The following DCAF17 variants were observed in gnomAD, a reference collection of about 807,000 sequenced individuals.
DCAF17 encodes the protein DDB1 and CUL4 associated factor 17.
DCAF17 carries 48 observed loss-of-function variants against 66.0 expected under a neutral mutation model. That is an observed-to-expected ratio of 0.73 (90% CI 0.58 to 0.92). The LOEUF (loss-of-function observed/expected upper bound fraction) is 0.92, where lower values mean the gene tolerates loss of function less well. Among genes scored for constraint, DCAF17 ranks in the 40% least tolerant of loss-of-function variants. The probability of loss-of-function intolerance (pLI) is 0.00; values close to 1 mark genes in which losing one functional copy is unlikely to be tolerated. For synonymous variants in DCAF17, 206 were observed against 214.6 expected, an observed-to-expected ratio of 0.96 and a Z score of 0.35; for missense variants, 562 against 622.8, an observed-to-expected ratio of 0.90 and a Z score of 1.04.
chr2:171,463,576 TCTC>T (rs1695725962), intron 8 of DCAF17, among the ~76,000 whole-genome samples: 1 of 152,328 alleles, frequency 6.6e-6, no homozygotes, highest in Admixed American at 6.5e-5. Context: ...TGTGTGTGCA[TCTC>T]CTTGAGATGT....
rs936359696 is a variant in DCAF17 at position 171,484,681 on chromosome 2, C to G, written c.*3567C>G. On this transcript the variant is annotated 3_prime_UTR_variant, in exon 14 of 14. Coordinates refer to ENST00000375255, the MANE Select transcript of DCAF17 (RefSeq NM_025000.4). ...ACATATACACCTGTGTAACCCAAAC[C>G]CTTTCCAAAATTTAGACCATTGCAA... 1.1e-5 allele frequency: 5 copies of G among 453,698 alleles called. No homozygotes were observed. The highest frequency in any genetic ancestry group is 7.1e-5 in the Admixed American group (3 of 42,534). The allele number at this position is 453,698 out of a possible 1,614,324, so 28.1% of individuals were successfully genotyped here.
rs762950773 is a variant in DCAF17, at chr2:171,457,935, C to G, written c.628-36C>G. ...ACATTCAGAGGATTGGACTTCCAGT[C>G]TTTTCTCAGGTGATATCTGTCTTTC... On this transcript the variant is annotated intron_variant, in intron 6 of 13. Transcript: ENST00000375255. 5.9e-6 allele frequency: 9 copies of G among 1,517,494 alleles called. No homozygotes were observed. In the South Asian group the frequency reaches 9.0e-5, roughly 15 times the overall value. 94.0% of individuals were successfully genotyped at this position (1,517,494 alleles called of 1,614,324 possible).
intron 8 of DCAF17, among the ~76,000 whole-genome samples, chr2:171,462,333 G>A (rs1324192869): frequency 6.6e-6 from 1 of 151,970 alleles, no homozygotes; most frequent in Non-Finnish European, 1.5e-5. Context: ...ACTGTAATGG[G>A]GCAATTTCCT....
At chr2:171,445,421 G>A (rs913926841) in intron 3 of DCAF17, among the ~76,000 whole-genome samples, 1 of 151,812 alleles carries the variant, frequency 6.6e-6, no homozygotes, top group Non-Finnish European at 1.5e-5. Flanking sequence ...CACCATGCCC[G>A]GTCCGTATTC....
At chr2:171,457,833 T>C in intron 6 of DCAF17, 138 bp from the exon 7 acceptor site, 3 of 796,812 alleles carry the variant, frequency 3.8e-6, no homozygotes, top group Non-Finnish European at 6.7e-6. Flanking sequence ...GGTGATAAAT[T>C]ATAATGAGGT....
intron 12 of DCAF17, 95 bp from the exon 13 acceptor site, chr2:171,479,943 A>T: frequency 7.3e-7 from 1 of 1,372,454 alleles, no homozygotes; most frequent in Admixed American, 1.9e-5. Context: ...TATTTTTGTA[A>T]GTAATAGAAT....
At position 171,483,436 on chromosome 2, in the gene DCAF17, C is replaced by T. The variant is rs1696825088; in HGVS notation, c.*2322C>T. 1 of 453,958 alleles carries T rather than the reference C, an allele frequency of 2.2e-6. No homozygotes were observed. The highest frequency in any genetic ancestry group is 2.0e-5 in the African/African-American group (1 of 49,996). The allele number at this position is 453,958 out of a possible 1,614,324, so 28.1% of individuals were successfully genotyped here. A position where few individuals can be genotyped will look rare whatever the true frequency, so the allele number is the denominator to read the frequency against. The stretch of plus-strand genomic sequence containing the variant: ...AAAGAGGTGCATTCTGCATTGCACT[C>T]CTGGATCTAAGTTTCTGCATTCTCA... On this transcript the variant is annotated 3_prime_UTR_variant, in exon 14 of 14. Transcript: ENST00000375255.
At chr2:171,473,842 T>A (rs1428614437) in intron 9 of DCAF17, 24 bp from the exon 10 acceptor site, 9 of 1,572,958 alleles carry the variant, frequency 5.7e-6, no homozygotes, top group African/African-American at 1.3e-5. Context: ...AATCTTTGTC[T>A]TTAATACTTT....
At chr2:171,442,084 T>C (rs185897611) in intron 2 of DCAF17, among the ~76,000 whole-genome samples, 17 of 152,372 alleles carry the variant, frequency 1.1e-4, no homozygotes, top group Admixed American at 1.1e-3. Flanking sequence ...TATTGAGTTA[T>C]TTAATGTCCA....
chr2:171,458,045 A>T lies in DCAF17; in HGVS notation c.702A>T (p.Arg234Ser), dbSNP rs1453504957. The T allele has an allele frequency of 1.2e-6, 2 of 1,613,996 alleles. No homozygotes were observed. Among genetic ancestry groups the T allele is most frequent in the Admixed American group, 1.7e-5 (1 of 60,006 alleles). Residue 234 changes from arginine (R) to serine (S), a missense_variant, in exon 7 of 14, where the codon AGA becomes AGT. Around this residue, in one of 3 missense-constraint regions of DCAF17, gnomAD observed 348 missense variants for 355.9 expected, o/e 0.98. Transcript: ENST00000375255. ...LIVMYSSGLV[R>S]LYSFQTIAEQ... ...TGATGTACAGCTCAGGACTGGTCAGACTCTATAGCTTCCAAACCATCGCTG... is the reference window on the plus strand; with the variant it reads ...TGATGTACAGCTCAGGACTGGTCAGTCTCTATAGCTTCCAAACCATCGCTG...
At chr2:171,445,926 G>A (rs1694594510) in intron 3 of DCAF17, among the ~76,000 whole-genome samples, 1 of 151,764 alleles carries the variant, frequency 6.6e-6, no homozygotes. Context: ...CAAGTGATCT[G>A]CCCGCCTTGG....
intron 8 of DCAF17, among the ~76,000 whole-genome samples, chr2:171,468,217 A>G (rs1696037284): frequency 1.3e-5 from 2 of 152,112 alleles, no homozygotes; most frequent in African/African-American, 4.8e-5. Flanking sequence ...AATTTATTTT[A>G]CAGTGTCAGT....
Position 171,448,698 on chromosome 2 carries a change from T to A in DCAF17, c.339T>A (p.Asn113Lys), listed in dbSNP as rs1204025103. The change falls in exon 4 of 14, where the codon AAT becomes AAA. Residue 113 changes from asparagine to lysine, a missense_variant. Around this residue, in one of 3 missense-constraint regions of DCAF17, gnomAD observed 348 missense variants for 355.9 expected, o/e 0.98. Coordinates refer to ENST00000375255, the MANE Select transcript of DCAF17 (RefSeq NM_025000.4). ...TTTTTTAGGGAGATATACTTCCCAA[T>A]TCATCAGATTATAAGTCCTCACTCA... Reference protein sequence around the residue: ...WECPVGDILPNSSDYKSSLIA... With the variant: ...WECPVGDILPKSSDYKSSLIA... 5 of 1,597,670 alleles carry A rather than the reference T, an allele frequency of 3.1e-6. No individual in the cohort carries two copies. The highest frequency in any genetic ancestry group is 4.3e-6 in the Non-Finnish European group (5 of 1,173,108).
At chr2:171,463,383 CAT>C (rs1374175207) in intron 8 of DCAF17, among the ~76,000 whole-genome samples, 1 of 150,716 alleles carries the variant, frequency 6.6e-6, no homozygotes, top group African/African-American at 2.4e-5. Flanking sequence ...TATTCATACT[CAT>C]GTATTAAAGG....
intron 4 of DCAF17, 21 bp downstream of exon 4, chr2:171,448,838 A>G (rs774729157): frequency 1.2e-6 from 2 of 1,602,170 alleles, no homozygotes; most frequent in Admixed American, 3.3e-5. Flanking sequence ...TGAATTTATT[A>G]TTCAAGATTT....
At chr2:171,469,069 T>C in intron 9 of DCAF17, 39 bp downstream of exon 9, 1 of 1,610,142 alleles carries the variant, frequency 6.2e-7, no homozygotes, top group South Asian at 1.1e-5. Context: ...CAAATTTGTA[T>C]CAAGTTCTTT....
chr2:171,455,524 T>C (rs1044460306), intron 6 of DCAF17, among the ~76,000 whole-genome samples: 27 of 152,380 alleles, frequency 1.8e-4, no homozygotes, highest in African/African-American at 6.0e-4. Context: ...TTTGGATATA[T>C]ACCCAGTAAT....
rs1696864269 is a variant in DCAF17, at chr2:171,484,267, G to A, written c.*3153G>A. 1 of 447,536 alleles carries A rather than the reference G, an allele frequency of 2.2e-6. No homozygotes were observed. Among genetic ancestry groups the A allele is most frequent in the South Asian group, 1.6e-5 (1 of 62,134 alleles). The allele number at this position is 447,536 out of a possible 1,614,324, so 27.7% of individuals were successfully genotyped here. A position where few individuals can be genotyped will look rare whatever the true frequency, so the allele number is the denominator to read the frequency against. On this transcript the variant is annotated 3_prime_UTR_variant, in exon 14 of 14. Coordinates refer to ENST00000375255, the MANE Select transcript of DCAF17 (RefSeq NM_025000.4). ...CAGGGAGCTAATTTCTGGTCCCTGT[G>A]TTGCTATCAAATCTGTATCTTGCAG... is the stretch of plus-strand genomic sequence containing the variant.
chr2:171,479,652 G>C, intron 12 of DCAF17: 1 of 239,520 alleles, frequency 4.2e-6, no homozygotes, highest in Non-Finnish European at 8.2e-6. Flanking sequence ...CAGTCTTTAG[G>C]TTTCAGAACC....
Sources: allele counts gnomAD v4.1 joint callset (sites outside exome capture counted in the v4.1 genomes callset), GRCh38; gene constraint gnomAD v4.1.1; regional missense constraint gnomAD v4.1.1; transcripts MANE v1.5; gene names NCBI Gene and HGNC (gene_info 2026-07-23, HGNC 2026-07-21).